Variants in IL34 observed in about 807,000 individuals in gnomAD.
IL34 encodes the protein interleukin 34.
In IL34, 17 loss-of-function variants were observed where a neutral mutation model predicts 25.3. The ratio of observed to expected loss-of-function variants is 0.67; its 90% CI spans 0.46 to 1.01. The LOEUF (loss-of-function observed/expected upper bound fraction) is 1.01, where lower values mean the gene tolerates loss of function less well. IL34 is among the 50% of genes least tolerant of loss of function. IL34 has a pLI of 0.00. For synonymous variants in IL34, 174 were observed against 140.9 expected (o/e 1.23, Z -1.66); for missense variants, 368 against 312.9 (o/e 1.18, Z -1.33).
chr16:70,646,456 G>T, upstream of IL34: 1 of 157,684 alleles, frequency 6.3e-6, no homozygotes. Context: ...GTGGTCCTGT[G>T]CAGGCCGTGG....
chr16:70,632,748 G>A (rs1483587576), intron 1 of IL34, among the ~76,000 whole-genome samples: 1 of 152,144 alleles, frequency 6.6e-6, no homozygotes. Flanking sequence ...GGAGAGCTAT[G>A]GGGAGGGATC....
intron 1 of IL34, among the ~76,000 whole-genome samples, chr16:70,592,861 G>A (rs1367113754): frequency 1.3e-5 from 2 of 152,114 alleles, no homozygotes; most frequent in Non-Finnish European, 1.5e-5. Context: ...CAGCATGTTG[G>A]TCAGGCTGGT....
chr16:70,636,545 C>G (rs1311717766), intron 1 of IL34, among the ~76,000 whole-genome samples: 1 of 150,852 alleles, frequency 6.6e-6, no homozygotes, highest in Non-Finnish European at 1.5e-5. Flanking sequence ...AGGCTGAGAC[C>G]AGGAGCTTGA....
At chr16:70,642,059 C>T (rs1371031341), upstream of IL34, among the ~76,000 whole-genome samples, 1 of 152,132 alleles carries the variant, frequency 6.6e-6, no homozygotes, top group Non-Finnish European at 1.5e-5. Flanking sequence ...TAAAAAAATA[C>T]CATAGACCGG....
At chr16:70,651,762 TA>T (rs10713010) in intron 1 of IL34, among the ~76,000 whole-genome samples, 68,048 of 143,326 alleles carry the variant, frequency 0.47, 15,804 homozygotes, top group South Asian at 0.61. Flanking sequence ...ACTGCTTTTG[TA>T]AAAAAAAAAA....
intron 1 of IL34, among the ~76,000 whole-genome samples, chr16:70,612,021 C>T (rs1326271950): frequency 2.6e-5 from 4 of 152,026 alleles, no homozygotes; most frequent in African/African-American, 9.7e-5. Flanking sequence ...ACAGTGAGAC[C>T]CTGTGTAAAA....
intron 1 of IL34, among the ~76,000 whole-genome samples, chr16:70,600,298 A>G (rs901588197): frequency 1.3e-5 from 2 of 151,994 alleles, no homozygotes; most frequent in African/African-American, 2.4e-5. Flanking sequence ...CACCTCTTTC[A>G]TTTATTGTCC....
chr16:70,617,226 A>G (rs909108034), intron 1 of IL34, among the ~76,000 whole-genome samples: 1 of 152,204 alleles, frequency 6.6e-6, no homozygotes, highest in African/African-American at 2.4e-5. Flanking sequence ...ACCGGTATAA[A>G]AGGTCTAAGA....
intron 1 of IL34, among the ~76,000 whole-genome samples, chr16:70,586,840 G>A (rs1219518295): frequency 4.6e-5 from 7 of 152,216 alleles, no homozygotes; most frequent in African/African-American, 1.4e-4. Flanking sequence ...TCACGCAGGC[G>A]GGAGGTGGCA....
At chr16:70,620,813 G>A (rs1303854009) in intron 1 of IL34, among the ~76,000 whole-genome samples, 2 of 152,174 alleles carry the variant, frequency 1.3e-5, no homozygotes, top group African/African-American at 4.8e-5. Flanking sequence ...GGGCATTGCA[G>A]AAGAAAAGGC....
At chr16:70,651,283 T>A in intron 1 of IL34, among the ~76,000 whole-genome samples, 1 of 152,086 alleles carries the variant, frequency 6.6e-6, no homozygotes. Flanking sequence ...AGGGATGATC[T>A]TGACCTGCAA....
intron 1 of IL34, among the ~76,000 whole-genome samples, chr16:70,648,575 A>AAT (rs1555505902): frequency 7.0e-6 from 1 of 142,994 alleles, no homozygotes; most frequent in African/African-American, 2.6e-5. Flanking sequence ...AAAAAAAAAA[A>AAT]GGAGAAAAGA....
At chr16:70,658,359 T>C (rs999388933) in intron 4 of IL34, among the ~76,000 whole-genome samples, 10 of 152,224 alleles carry the variant, frequency 6.6e-5, no homozygotes, top group Non-Finnish European at 1.3e-4. Flanking sequence ...GTTTTAGAGA[T>C]GGGGGTCTCG....
intron 4 of IL34, 133 bp from the exon 5 acceptor site, chr16:70,659,485 C>T: frequency 2.6e-6 from 3 of 1,165,362 alleles, no homozygotes; most frequent in Non-Finnish European, 3.5e-6. Flanking sequence ...AATAGCTATC[C>T]AGGCTCATGG....
intron 1 of IL34, among the ~76,000 whole-genome samples, chr16:70,630,220 C>T (rs1360119148): frequency 6.6e-6 from 1 of 151,982 alleles, no homozygotes; most frequent in African/African-American, 2.4e-5. Context: ...TGTATATGTT[C>T]TACATTTTCT....
rs533612107 is a variant in IL34, at chr16:70,609,039, ATTT to A, written c.-401+28994_-401+28996del. On this transcript the variant is annotated intron_variant, in intron 1 of 6. Transcript: ENST00000429149. ...CATGAGAGGAAAGCATAATTCTTTT[ATTT>A]TTTATTTTTATTTATTTTTTAAAAA... is the stretch of plus-strand genomic sequence containing the variant. Among the ~76,000 whole-genome samples, 18 of 151,930 alleles carry A rather than the reference ATTT, an allele frequency of 1.2e-4. No homozygotes were observed. In the South Asian group the frequency reaches 3.8e-3, roughly 32 times the overall value.
intron 1 of IL34, among the ~76,000 whole-genome samples, chr16:70,609,484 T>G (rs761897412): frequency 6.6e-6 from 1 of 152,002 alleles, no homozygotes; most frequent in Admixed American, 6.6e-5. Context: ...AAAATGGAGA[T>G]GATGACACCC....
intron 1 of IL34, among the ~76,000 whole-genome samples, chr16:70,597,202 C>G (rs1409270026): frequency 6.6e-6 from 1 of 151,056 alleles, no homozygotes; most frequent in African/African-American, 2.5e-5. Context: ...TACCCCCTCA[C>G]AGAGTTCAGC....
chr16:70,620,705 T>C (rs1027448982), intron 1 of IL34, among the ~76,000 whole-genome samples: 1 of 143,014 alleles, frequency 7.0e-6, no homozygotes, highest in African/African-American at 2.6e-5. Context: ...CTTCTGCGTA[T>C]TTTACAACAA....
Sources: gnomAD v4.1 joint callset for allele counts (sites outside exome capture counted in the v4.1 genomes callset) on GRCh38, gnomAD v4.1.1 for gene constraint, MANE v1.5 for transcripts, NCBI Gene and HGNC (gene_info 2026-07-23, HGNC 2026-07-21) for gene names.